ZNF536: variants seen among roughly 807,000 people sequenced by gnomAD.
ZNF536 encodes zinc finger protein 536.
Under a neutral mutation model 84.5 loss-of-function variants are expected in ZNF536, and 13 were observed. That is an observed-to-expected ratio of 0.15 (90% CI 0.10 to 0.24). ZNF536 has a LOEUF of 0.24. ZNF536 is among the 10% of genes least tolerant of loss of function. The pLI is 1.00. For synonymous variants in ZNF536, 811 were observed against 742.5 expected, an observed-to-expected ratio of 1.09 and a Z score of -1.50; for missense variants, 1,536 against 1,747.5, an observed-to-expected ratio of 0.88 and a Z score of 2.16.
At chr19:30,439,959 C>CTTTTTTTTTTTTTTTTTTTTTT (rs199638233) in intron 1 of ZNF536, among the ~76,000 whole-genome samples, 3 of 96,396 alleles carry the variant, frequency 3.1e-5, no homozygotes, top group Non-Finnish European at 2.0e-5. Flanking sequence ...TTCTTTCTTT[C>CTTTTTTTTTTTTTTTTTTTTTT]TTTTTTTTTT....
intron 1 of ZNF536, among the ~76,000 whole-genome samples, chr19:30,659,818 A>G (rs553854746): frequency 1.3e-5 from 2 of 148,486 alleles, no homozygotes; most frequent in Non-Finnish European, 2.9e-5. Context: ...ACTATTTGAC[A>G]TGAGATTTGG....
At chr19:30,498,364 C>A (rs1323359403) in intron 2 of ZNF536, among the ~76,000 whole-genome samples, 5 of 152,094 alleles carry the variant, frequency 3.3e-5, no homozygotes, top group Non-Finnish European at 7.3e-5. Flanking sequence ...CGCATGTTCT[C>A]ACTTATAAGT....
At chr19:30,269,041 AGCATATGC>A (rs1402012595) in intron 1 of ZNF536, among the ~76,000 whole-genome samples, 15 of 152,260 alleles carry the variant, frequency 9.9e-5, no homozygotes, top group African/African-American at 3.4e-4. Context: ...CAGGTTACAT[AGCATATGC>A]TAAACACTGA....
intron 1 of ZNF536, among the ~76,000 whole-genome samples, chr19:30,680,823 G>A (rs903809492): frequency 2.0e-5 from 3 of 152,188 alleles, no homozygotes; most frequent in Admixed American, 6.5e-5. Flanking sequence ...CTGAGGAATC[G>A]CCACACTGAC....
intron 1 of ZNF536, among the ~76,000 whole-genome samples, chr19:30,253,861 A>G (rs1447146247): frequency 6.6e-6 from 1 of 152,206 alleles, no homozygotes; most frequent in Non-Finnish European, 1.5e-5. Context: ...AAGCGTCGCA[A>G]ATAAAAGCCT....
chr19:30,546,172 G>A (rs183909290), intron 3 of ZNF536, among the ~76,000 whole-genome samples: 296 of 152,332 alleles, frequency 1.9e-3, no homozygotes, highest in Admixed American at 3.2e-3. Flanking sequence ...CCTGGCCTGC[G>A]ATGGGATGTC....
chr19:30,520,647 C>A (rs1435498897), intron 2 of ZNF536, among the ~76,000 whole-genome samples: 6 of 151,906 alleles, frequency 3.9e-5, no homozygotes, highest in Admixed American at 3.9e-4. Flanking sequence ...CATTAGGAAA[C>A]CTTGTTGATC....
chr19:30,679,295 A>G (rs1236296981), intron 1 of ZNF536, among the ~76,000 whole-genome samples: 1 of 152,236 alleles, frequency 6.6e-6, no homozygotes, highest in Non-Finnish European at 1.5e-5. Flanking sequence ...ATCTGGGATC[A>G]GAGAGCAATT....
intron 2 of ZNF536, among the ~76,000 whole-genome samples, chr19:30,533,327 C>G (rs2044932886): frequency 6.6e-6 from 1 of 152,074 alleles, no homozygotes; most frequent in African/African-American, 2.4e-5. Flanking sequence ...TCAAGACCAG[C>G]CTGGGCAAGA....
chr19:30,539,237 A>G (rs2045224400), intron 3 of ZNF536, among the ~76,000 whole-genome samples: 1 of 152,084 alleles, frequency 6.6e-6, no homozygotes, highest in Non-Finnish European at 1.5e-5. Flanking sequence ...GACTCAGGAG[A>G]GCTGATGGTG....
chr19:30,466,741 GA>G (rs1253598246), intron 2 of ZNF536, among the ~76,000 whole-genome samples: 154 of 73,020 alleles, frequency 2.1e-3, no homozygotes, highest in African/African-American at 7.7e-3. Flanking sequence ...GGGAGGGAGG[GA>G]AGGAAGAAAG....
At chr19:30,367,057 G>C (rs1346454006) in intron 3 of ZNF536, among the ~76,000 whole-genome samples, 1 of 152,212 alleles carries the variant, frequency 6.6e-6, no homozygotes, top group African/African-American at 2.4e-5. Context: ...TGCAATAAAA[G>C]GATGACACTT....
chr19:30,351,814 T>C (rs1377543805), intron 2 of ZNF536, among the ~76,000 whole-genome samples: 2 of 152,206 alleles, frequency 1.3e-5, no homozygotes, highest in African/African-American at 4.8e-5. Context: ...CTGTCCTCTC[T>C]TGGTAAATGG....
At chr19:30,274,215 A>G (rs1245148226) in intron 1 of ZNF536, among the ~76,000 whole-genome samples, 1 of 152,220 alleles carries the variant, frequency 6.6e-6, no homozygotes, top group African/African-American at 2.4e-5. Flanking sequence ...GTTCTCTAAA[A>G]ACCTGCTTTG....
chr19:30,559,791 G>A (rs1009379912), downstream of ZNF536, among the ~76,000 whole-genome samples: 3 of 152,136 alleles, frequency 2.0e-5, no homozygotes, highest in African/African-American at 7.2e-5. Flanking sequence ...CGTGTATTCA[G>A]GCGTCTGCTG....
At chr19:30,709,228 GTTTCA>G (rs2052365109) in intron 1 of ZNF536, among the ~76,000 whole-genome samples, 1 of 152,118 alleles carries the variant, frequency 6.6e-6, no homozygotes, top group South Asian at 2.1e-4. Flanking sequence ...TTCTAGGAAG[GTTTCA>G]TTTCAAGAGT....
intron 2 of ZNF536, among the ~76,000 whole-genome samples, chr19:30,496,271 G>A (rs1177318947): frequency 2.0e-5 from 3 of 152,076 alleles, no homozygotes; most frequent in African/African-American, 2.4e-5. Context: ...CTGAGTTCTC[G>A]ACTTGTCAAA....
chr19:30,391,991 C>T (rs1433068), intron 1 of ZNF536, among the ~76,000 whole-genome samples: 178 of 152,206 alleles, frequency 1.2e-3, no homozygotes, highest in African/African-American at 4.0e-3. Context: ...CCTTCACCCC[C>T]GCCAAAAAAA....
At chr19:30,304,196 C>T (rs921399168) in intron 2 of ZNF536, among the ~76,000 whole-genome samples, 3 of 152,212 alleles carry the variant, frequency 2.0e-5, no homozygotes, top group African/African-American at 7.2e-5. Context: ...GGGACTACCT[C>T]CTGCACAAAC....
Sources: allele counts gnomAD v4.1 joint callset (sites outside exome capture counted in the v4.1 genomes callset), GRCh38; gene constraint gnomAD v4.1.1; transcripts MANE v1.5; gene names NCBI Gene and HGNC (gene_info 2026-07-23, HGNC 2026-07-21).